ATP2A1: variants seen among roughly 807,000 people sequenced by gnomAD.
ATP2A1 encodes the protein ATPase sarcoplasmic/endoplasmic reticulum Ca2+ transporting 1.
In ATP2A1, 83 loss-of-function variants were observed where a neutral mutation model predicts 109.5. The ratio of observed to expected loss-of-function variants is 0.76; its 90% confidence interval spans 0.63 to 0.91. ATP2A1 has a LOEUF of 0.91. Ranked by LOEUF, ATP2A1 falls within the 40% of genes least tolerant of loss-of-function variation. ATP2A1 has a pLI of 0.00. For missense variants in ATP2A1, 1,101 were observed against 1,341.0 expected (o/e 0.82, Z 2.80); for synonymous variants, 505 against 537.6 (o/e 0.94, Z 0.84).
chr16:28,878,915 C>T (rs1963359766), intron 1 of ATP2A1, 126 bp downstream of exon 1: 2 of 1,337,506 alleles, frequency 1.5e-6, no homozygotes, highest in African/African-American at 1.4e-5. Flanking sequence ...TTGTCCAATG[C>T]TCGCAGGGGG....
chr16:28,891,682 A>G (rs1300040730), intron 9 of ATP2A1, among the ~76,000 whole-genome samples: 1 of 151,280 alleles, frequency 6.6e-6, no homozygotes, highest in Admixed American at 6.6e-5. Flanking sequence ...ACCTGAGGTC[A>G]GCTTGGCCAA....
At position 28,894,600 on chromosome 16, in the gene ATP2A1, T is replaced by C; in HGVS notation, c.1280T>C (p.Phe427Ser). The change falls in exon 11 of 23, where the codon TTC becomes TCC. Residue 427 changes from phenylalanine to serine, a missense_variant. Transcript: ENST00000395503. ...CALCNDSSLD[F>S]NEAKGVYEKV... Reference sequence around the variant, plus strand: ...CTCTGCAATGACTCCTCCTTGGACTTCAACGAGGTAACCTCTCCTTCCCCT... The same window carrying C: ...CTCTGCAATGACTCCTCCTTGGACTCCAACGAGGTAACCTCTCCTTCCCCT... 1 of 1,613,966 alleles carries C rather than the reference T, an allele frequency of 6.2e-7. No individual in the cohort carries two copies. The highest frequency in any genetic ancestry group is 8.5e-7 in the Non-Finnish European group (1 of 1,179,900).
intron 9 of ATP2A1, among the ~76,000 whole-genome samples, chr16:28,893,650 T>G (rs1200351130): frequency 4.4e-5 from 5 of 114,918 alleles, no homozygotes; most frequent in East Asian, 3.0e-4. Flanking sequence ...TGTGGGTTTT[T>G]TTTTGTTTTT....
intron 6 of ATP2A1, among the ~76,000 whole-genome samples, chr16:28,885,999 C>G (rs1356685789): frequency 1.3e-5 from 2 of 151,706 alleles, no homozygotes; most frequent in African/African-American, 2.4e-5. Flanking sequence ...GACCCCATCT[C>G]TATAAAAAAA....
chr16:28,897,858 C>T (rs1963960912), intron 12 of ATP2A1, 142 bp from the exon 13 acceptor site: 3 of 1,141,880 alleles, frequency 2.6e-6, no homozygotes, highest in South Asian at 1.2e-5. Flanking sequence ...TGTGGCAACA[C>T]TAGCCTTGGG....
At chr16:28,900,426 C>T (rs1252981225) in intron 14 of ATP2A1, among the ~76,000 whole-genome samples, 155 bp from the exon 15 acceptor site, 1 of 151,920 alleles carries the variant, frequency 6.6e-6, no homozygotes, top group Non-Finnish European at 1.5e-5. Flanking sequence ...TGAGGTCTGA[C>T]ACCAGGCCCT....
At position 28,879,138 on chromosome 16, in the gene ATP2A1, ACT is replaced by A. The variant is rs767078815; in HGVS notation, c.136+26_136+27del. 6.2e-5 allele frequency: 100 copies of A among 1,613,300 alleles called. 1 individual carries two copies. The South Asian group carries it at 9.7e-4, about 16-fold the overall frequency. On this transcript the variant is annotated intron_variant, in intron 2 of 22. Coordinates refer to ENST00000395503, the MANE Select transcript of ATP2A1 (RefSeq NM_004320.6). ...GAAGGTAAGTTACTGGAATCCCTGA[ACT>A]CTCATAAATGACCACCCCCCACCCC...
intron 4 of ATP2A1, chr16:28,881,474 T>G (rs941456858): frequency 1.5e-5 from 4 of 268,522 alleles, no homozygotes; most frequent in Non-Finnish European, 1.5e-5. Context: ...TTGCTTTGGT[T>G]TTAAGAAATG....
In ATP2A1 at chr16:28,903,206, C is replaced by T. The variant is rs1473330665; in HGVS notation, c.2862+59C>T. ...AGCACTGGGGAGCCCACGGCGGGCC[C>T]ATGACCACTCCCACCAGGGGCGCCG... On this transcript the variant is annotated intron_variant, in intron 20 of 22. Transcript: ENST00000395503. This position sits in a 1 kb window ranked among gnomAD's most constrained non-coding sequence, Gnocchi z 5.6. 3 of 1,597,046 alleles carry T rather than the reference C, an allele frequency of 1.9e-6. No homozygotes were observed. Among genetic ancestry groups the T allele is most frequent in the Non-Finnish European group, 2.6e-6 (3 of 1,165,630 alleles).
In ATP2A1 at chr16:28,894,965, G is replaced by C. The variant is rs373851801; in HGVS notation, c.1419+12G>C. The stretch of plus-strand genomic sequence containing the variant: ...ACGCCTGCAACTCGGTGAGCCTGCG[G>C]AGCCCCTGCCACAGGGCCGTCTCCA... On this transcript the variant is annotated intron_variant, in intron 12 of 22. Coordinates refer to ENST00000395503, the MANE Select transcript of ATP2A1 (RefSeq NM_004320.6). 3 of 1,610,226 alleles carry C rather than the reference G, an allele frequency of 1.9e-6. No individual in the cohort carries two copies. The African/African-American group carries it at 4.0e-5, about 21-fold the overall frequency.
chr16:28,893,645 GTTTTT>G (rs571392375), intron 9 of ATP2A1, among the ~76,000 whole-genome samples: 1 of 114,768 alleles, frequency 8.7e-6, no homozygotes, highest in Non-Finnish European at 1.7e-5. Context: ...TCGTTTGTGG[GTTTTT>G]TTTTGTTTTT....
At chr16:28,887,849 G>A (rs1963657678) in intron 8 of ATP2A1, 127 bp downstream of exon 8, 1 of 1,239,286 alleles carries the variant, frequency 8.1e-7, no homozygotes. Context: ...CACCCAGGCT[G>A]GAGTGCAGTG....
At chr16:28,894,369 C>A in intron 10 of ATP2A1, 126 bp downstream of exon 10, 2 of 1,287,052 alleles carry the variant, frequency 1.6e-6, no homozygotes, top group Non-Finnish European at 2.2e-6. Flanking sequence ...CTTGTTCTCT[C>A]TCCTGATATC....
In ATP2A1 at chr16:28,904,276, C is replaced by T. The variant is rs1567493444; in HGVS notation, c.*134C>T. 6.8e-6 allele frequency: 11 copies of T among 1,612,170 alleles called. No homozygotes were observed. The highest frequency in any genetic ancestry group is 4.5e-5 in the East Asian group (2 of 44,864). On this transcript the variant is annotated 3_prime_UTR_variant, in exon 23 of 23. Transcript: ENST00000395503. ...CAGGCAGAGCTGTGGCACAGACCCCCGTCCTGTCCCCCACACCCGTGTCAT... is the reference window on the plus strand; with the variant it reads ...CAGGCAGAGCTGTGGCACAGACCCCTGTCCTGTCCCCCACACCCGTGTCAT...
At chr16:28,901,445 A>G (rs1964070136) in intron 15 of ATP2A1, among the ~76,000 whole-genome samples, 2 of 152,166 alleles carry the variant, frequency 1.3e-5, no homozygotes, top group Non-Finnish European at 2.9e-5. Flanking sequence ...CAGCCTGGAC[A>G]ACATGGCAAG....
rs1963511899 is a variant in ATP2A1, at chr16:28,882,389, G to A, written c.325-62G>A. ...TTTTGTTGCCTCCCCCGTGCCAGGA[G>A]CCACAACTCCATAACTCTGCCTCCT... is the stretch of plus-strand genomic sequence containing the variant. On this transcript the variant is annotated intron_variant, in intron 4 of 22. Transcript: ENST00000395503. The A allele has an allele frequency of 3.3e-5, 53 of 1,602,618 alleles. 2 individuals carry two copies. The South Asian group carries it at 5.5e-4, about 17-fold the overall frequency.
intron 8 of ATP2A1, 98 bp from the exon 9 acceptor site, chr16:28,888,689 A>G: frequency 7.0e-7 from 1 of 1,427,026 alleles, no homozygotes; most frequent in South Asian, 1.3e-5. Flanking sequence ...ATAGGTGTGC[A>G]CCAACGTGCC....
chr16:28,892,253 C>A, intron 9 of ATP2A1: 1 of 218,414 alleles, frequency 4.6e-6, no homozygotes, highest in Admixed American at 5.4e-5. Context: ...CAAACGTCAG[C>A]TTGAGAACAA....
chr16:28,888,087 C>T (rs190366041), intron 8 of ATP2A1, among the ~76,000 whole-genome samples: 24 of 152,246 alleles, frequency 1.6e-4, no homozygotes, highest in Admixed American at 1.4e-3. Context: ...AGGCGTGAGC[C>T]ACCGCACCCG....
Sources: allele counts gnomAD v4.1 joint callset (sites outside exome capture counted in the v4.1 genomes callset), GRCh38; gene constraint gnomAD v4.1.1; non-coding constraint Gnocchi (gnomAD v3.1); transcripts MANE v1.5; gene names NCBI Gene and HGNC (gene_info 2026-07-23, HGNC 2026-07-21).